The following SRGAP2 variants were observed in gnomAD, a reference collection of about 807,000 sequenced individuals.
SRGAP2 encodes SLIT-ROBO Rho GTPase-activating protein 2.
SRGAP2 carries 15 observed loss-of-function variants against 57.2 expected under a neutral mutation model. The ratio of observed to expected loss-of-function variants is 0.26; its 90% CI spans 0.18 to 0.40. SRGAP2 has a LOEUF of 0.40. Among genes scored for constraint, SRGAP2 ranks in the 10% least tolerant of loss-of-function variants. SRGAP2 has a pLI of 1.00. For missense variants in SRGAP2, 520 were observed against 669.6 expected (o/e 0.78, Z 2.47); for synonymous variants, 249 against 248.0 (o/e 1.00, Z -0.04).
At chr1:206,413,378 A>G (rs1307087957) in intron 10 of SRGAP2, among the ~76,000 whole-genome samples, 1 of 152,068 alleles carries the variant, frequency 6.6e-6, no homozygotes, top group Non-Finnish European at 1.5e-5. Context: ...TTGGTTGGGG[A>G]TTTGGATATT....
chr1:206,448,897 C>G (rs1365346482), intron 18 of SRGAP2, among the ~76,000 whole-genome samples: 4 of 152,228 alleles, frequency 2.6e-5, no homozygotes, highest in African/African-American at 9.6e-5. Flanking sequence ...AGAATGTTCT[C>G]TGGAGCCTGG....
chr1:206,286,802 G>A (rs1353136733), intron 2 of SRGAP2, among the ~76,000 whole-genome samples: 1 of 150,252 alleles, frequency 6.7e-6, no homozygotes, highest in East Asian at 1.9e-4. Context: ...CCTGAGGTGG[G>A]TGTTTGCTTG....
chr1:206,234,917 G>A (rs1553307931), intron 2 of SRGAP2, among the ~76,000 whole-genome samples: 1 of 151,796 alleles, frequency 6.6e-6, no homozygotes, highest in Admixed American at 6.6e-5. Context: ...CAGGAAATGG[G>A]TAAGATTATA....
chr1:206,397,600 A>G lies in SRGAP2; in HGVS notation c.832-3821A>G, dbSNP rs530938067. On this transcript the variant is annotated intron_variant, in intron 7 of 22. Transcript: ENST00000573034. The stretch of plus-strand genomic sequence containing the variant: ...CAAGATTTAAACTTCAGACTGTAGG[A>G]ATCCACGTGAGGCATCTGCCACACT... 1.2e-4 allele frequency among the ~76,000 whole-genome samples: 18 copies of G among 144,846 alleles called. No homozygotes were observed. In the East Asian group the frequency reaches 3.5e-3, roughly 28 times the overall value.
At chr1:206,209,294 G>A (rs1206703522) in intron 2 of SRGAP2, among the ~76,000 whole-genome samples, 4 of 147,186 alleles carry the variant, frequency 2.7e-5, no homozygotes, top group South Asian at 2.1e-4. Context: ...ACTGTGGTTC[G>A]GCCTGTCTTT....
intron 2 of SRGAP2, among the ~76,000 whole-genome samples, chr1:206,226,535 C>T (rs1667284541): frequency 6.6e-6 from 1 of 152,190 alleles, no homozygotes; most frequent in Non-Finnish European, 1.5e-5. Flanking sequence ...TCTAACCTCT[C>T]CTGGCCTCAG....
chr1:206,276,859 A>G (rs1216869899), intron 2 of SRGAP2, among the ~76,000 whole-genome samples: 4,214 of 152,152 alleles, frequency 0.028, 183 homozygotes, highest in African/African-American at 0.096. Context: ...GAATTTGTCA[A>G]TTGCACAGCA....
Position 206,303,251 on chromosome 1 carries a change from T to C in SRGAP2, c.68-30T>C. 3 of 1,433,466 alleles carry C rather than the reference T, an allele frequency of 2.1e-6. No individual in the cohort carries two copies. The South Asian group carries it at 4.3e-5, about 21-fold the overall frequency. The allele number at this position is 1,433,466 out of a possible 1,614,324, so 88.8% of individuals were successfully genotyped here. ...ATGGTGGCTTATTTAGGGCGGTCTT[T>C]CTGACTGTCTTCTCTTGTTTTTGTT... On this transcript the variant is annotated intron_variant, in intron 2 of 22. Transcript: ENST00000573034.
rs1663630450 is a variant in SRGAP2, at chr1:206,454,402, C to T, written c.2361-476C>T. On this transcript the variant is annotated intron_variant, in intron 20 of 22. Coordinates refer to ENST00000573034, the MANE Select transcript of SRGAP2 (RefSeq NM_015326.5). The surrounding 1 kb of genome is among the most constrained non-coding windows in gnomAD (Gnocchi z 4.3). Reference sequence around the variant, plus strand: ...CTGGGACCGGCTTGGATGCTCTGAGCGGGGCTAGAGGCGCTACGACAGTGT... The same window carrying T: ...CTGGGACCGGCTTGGATGCTCTGAGTGGGGCTAGAGGCGCTACGACAGTGT... 5.2e-6 allele frequency: 3 copies of T among 581,478 alleles called. No homozygotes were observed. Among genetic ancestry groups the T allele is most frequent in the African/African-American group, 1.9e-5 (1 of 53,404 alleles). The allele number at this position is 581,478 out of a possible 1,614,324, so 36.0% of individuals were successfully genotyped here.
At chr1:206,383,882 C>T (rs1655940181) in intron 4 of SRGAP2, 132 bp from the exon 5 acceptor site, 1 of 619,266 alleles carries the variant, frequency 1.6e-6, no homozygotes, top group South Asian at 2.0e-5. Flanking sequence ...GAGTGGTTAT[C>T]TGATTTGCTG....
chr1:206,392,235 G>C (rs1335747492), intron 5 of SRGAP2, among the ~76,000 whole-genome samples: 9 of 127,432 alleles, frequency 7.1e-5, no homozygotes, highest in Non-Finnish European at 1.6e-5. Flanking sequence ...TATCTGAAAG[G>C]TAACAGAAAG....
intron 3 of SRGAP2, among the ~76,000 whole-genome samples, chr1:206,323,023 A>G (rs1189475365): frequency 6.6e-6 from 1 of 151,740 alleles, no homozygotes; most frequent in East Asian, 1.9e-4. Flanking sequence ...CATTTCCATG[A>G]GAATATTAAT....
At chr1:206,366,654 A>T (rs1462259734) in intron 4 of SRGAP2, among the ~76,000 whole-genome samples, 1 of 151,862 alleles carries the variant, frequency 6.6e-6, no homozygotes, top group Non-Finnish European at 1.5e-5. Context: ...TCAAGAAGCG[A>T]TTTCCTTTCC....
chr1:206,458,581 A>T, intron 21 of SRGAP2, 42 bp from the exon 22 acceptor site: 1 of 683,286 alleles, frequency 1.5e-6, no homozygotes, highest in Non-Finnish European at 2.7e-6. Flanking sequence ...CCTTGGAGCC[A>T]GGGCTCCCTG....
At chr1:206,297,886 GT>G (rs1258066991) in intron 2 of SRGAP2, among the ~76,000 whole-genome samples, 1 of 151,670 alleles carries the variant, frequency 6.6e-6, no homozygotes, top group East Asian at 2.0e-4. Context: ...TTCCCTGGAT[GT>G]TCTCTGAAGT....
chr1:206,214,830 T>C (rs1666549191), intron 2 of SRGAP2: 1 of 150,756 alleles, frequency 6.6e-6, no homozygotes, highest in African/African-American at 2.4e-5. Context: ...GAAAGAAATC[T>C]CACCTTTCTG....
chr1:206,259,561 T>A (rs61815475), intron 2 of SRGAP2, among the ~76,000 whole-genome samples: 3 of 146,848 alleles, frequency 2.0e-5, no homozygotes, highest in South Asian at 4.3e-4. Context: ...GATCTCAAAC[T>A]CCTGGGCTCA....
At chr1:206,278,342 CTT>C (rs1327766898) in intron 2 of SRGAP2, among the ~76,000 whole-genome samples, 12 of 134,436 alleles carry the variant, frequency 8.9e-5, no homozygotes, top group Admixed American at 1.5e-4. Context: ...CTTTCTTCTA[CTT>C]TTTTTTTTTT....
chr1:206,278,923 A>G (rs1239603149), intron 2 of SRGAP2, among the ~76,000 whole-genome samples: 2 of 150,480 alleles, frequency 1.3e-5, no homozygotes, highest in African/African-American at 5.0e-5. Flanking sequence ...GTACTAGGAG[A>G]TGAGGTCAGA....
Sources: allele counts gnomAD v4.1 joint callset (sites outside exome capture counted in the v4.1 genomes callset), GRCh38; gene constraint gnomAD v4.1.1; non-coding constraint Gnocchi (gnomAD v3.1); transcripts MANE v1.5; gene names NCBI Gene and HGNC (gene_info 2026-07-23, HGNC 2026-07-21).